The following CUX1 variants were observed in gnomAD, a reference collection of about 807,000 sequenced individuals.
The protein encoded by CUX1 is protein CASP.
A neutral mutation model predicts 158.8 loss-of-function variants in CUX1; 31 were observed. The observed-to-expected ratio is 0.20, with a 90% CI of 0.15 to 0.26. The LOEUF is 0.26. Among genes scored for constraint, CUX1 ranks in the 10% least tolerant of loss-of-function variants. The pLI is 1.00. For synonymous variants in CUX1, 879 were observed against 862.1 expected, an observed-to-expected ratio of 1.02 and a Z score of -0.34; for missense variants, 1,589 against 2,014.6, an observed-to-expected ratio of 0.79 and a Z score of 4.04.
At chr7:102,245,644 C>T (rs183391725) in intron 23 of CUX1, among the ~76,000 whole-genome samples, 2 of 152,258 alleles carry the variant, frequency 1.3e-5, no homozygotes, top group East Asian at 3.9e-4. Flanking sequence ...AAGGAAGATA[C>T]CATTCTCCAC....
chr7:102,191,762 T>G (rs1358813964), intron 12 of CUX1, among the ~76,000 whole-genome samples: 2 of 151,686 alleles, frequency 1.3e-5, no homozygotes, highest in African/African-American at 4.8e-5. Flanking sequence ...CCTCTTCTTC[T>G]TTCTTCCTCT....
At chr7:101,845,694 A>G (rs1795616869) in intron 1 of CUX1, among the ~76,000 whole-genome samples, 1 of 152,210 alleles carries the variant, frequency 6.6e-6, no homozygotes, top group African/African-American at 2.4e-5. Context: ...TGAACCAGCA[A>G]CAGTGGTATC....
At chr7:101,903,186 A>T (rs577433438) in intron 1 of CUX1, among the ~76,000 whole-genome samples, 4 of 152,128 alleles carry the variant, frequency 2.6e-5, no homozygotes, top group African/African-American at 9.7e-5. Context: ...AGACCTCAGT[A>T]GCCCCTCCCC....
intron 10 of CUX1, among the ~76,000 whole-genome samples, chr7:102,171,012 C>T (rs945922181): frequency 2.0e-5 from 3 of 152,210 alleles, no homozygotes; most frequent in Admixed American, 2.0e-4. Flanking sequence ...AAATAACATT[C>T]TGCACCGAGT....
intron 1 of CUX1, among the ~76,000 whole-genome samples, chr7:101,856,072 T>G (rs887076675): frequency 1.3e-5 from 2 of 149,568 alleles, no homozygotes; most frequent in African/African-American, 4.9e-5. Context: ...TCTCAGCTCC[T>G]TGGGGGCTGA....
intron 1 of CUX1, among the ~76,000 whole-genome samples, chr7:101,836,416 A>C (rs1190250705): frequency 6.6e-6 from 1 of 152,148 alleles, no homozygotes; most frequent in African/African-American, 2.4e-5. Context: ...CTCTACAAAA[A>C]AAATGGCTGT....
chr7:102,257,597 G>T lies in CUX1; in HGVS notation c.*8555G>T. The T allele has an allele frequency of 6.1e-6, 6 of 985,372 alleles. No homozygotes were observed. The highest frequency in any genetic ancestry group is 7.2e-6 in the Non-Finnish European group (6 of 829,930). 61.0% of individuals were successfully genotyped at this position (985,372 alleles called of 1,614,324 possible). ...TGCGTTTGTGCAATAACTCTTTGCT[G>T]CTTGCCTTGAGAGCGGGTAGCACCA... On this transcript the variant is annotated 3_prime_UTR_variant, in exon 24 of 24. Coordinates refer to ENST00000292535, the MANE Select transcript of CUX1 (RefSeq NM_181552.4).
At chr7:102,123,335 C>T (rs897556981) in intron 8 of CUX1, among the ~76,000 whole-genome samples, 14 of 151,748 alleles carry the variant, frequency 9.2e-5, no homozygotes, top group Non-Finnish European at 1.8e-4. Context: ...ATCGGCCGGG[C>T]GCAGTGGCTC....
chr7:102,036,607 T>G (rs902033836), intron 3 of CUX1, among the ~76,000 whole-genome samples: 2 of 151,922 alleles, frequency 1.3e-5, no homozygotes, highest in African/African-American at 4.8e-5. Context: ...CCTGGTGTGG[T>G]CACGTGCTCC....
At chr7:102,063,515 A>G (rs1459572259) in intron 3 of CUX1, among the ~76,000 whole-genome samples, 1 of 150,476 alleles carries the variant, frequency 6.6e-6, no homozygotes, top group African/African-American at 2.4e-5. Context: ...CAGCCTCCCA[A>G]GTAGCTGGAA....
At chr7:102,149,727 G>C (rs1425510558) in intron 8 of CUX1, among the ~76,000 whole-genome samples, 1 of 152,126 alleles carries the variant, frequency 6.6e-6, no homozygotes, top group Non-Finnish European at 1.5e-5. Flanking sequence ...TTTGTGCTCC[G>C]ATCAGCTTTT....
chr7:101,857,136 C>G (rs1796937708), intron 1 of CUX1, among the ~76,000 whole-genome samples: 1 of 152,214 alleles, frequency 6.6e-6, no homozygotes, highest in African/African-American at 2.4e-5. Flanking sequence ...ATGTTCCTGC[C>G]CTTACCCCGC....
At chr7:102,265,246 C>A (rs1263525808) in intron 14 of CUX1, among the ~76,000 whole-genome samples, 1 of 151,568 alleles carries the variant, frequency 6.6e-6, no homozygotes, top group African/African-American at 2.4e-5. Context: ...ATCCCAGCTA[C>A]TTGGGAGGCT....
intron 9 of CUX1, among the ~76,000 whole-genome samples, chr7:102,161,606 AATTT>A (rs1554507175): frequency 6.6e-6 from 1 of 152,040 alleles, no homozygotes; most frequent in African/African-American, 2.4e-5. Context: ...CCATTTTTTA[AATTT>A]ATTTATTTTT....
rs1462681713 is a variant in CUX1, at chr7:101,957,886, G to A, written c.141+41661G>A. On this transcript the variant is annotated intron_variant, in intron 2 of 23. Transcript: ENST00000292535. Reference sequence around the variant, plus strand: ...CTTTAAACGGAAACAGTGGTTAAGTGTGAGAGTTTGGAAGTCCCACAGATC... The same window carrying A: ...CTTTAAACGGAAACAGTGGTTAAGTATGAGAGTTTGGAAGTCCCACAGATC... Among the ~76,000 whole-genome samples, 6 of 152,158 alleles carry A rather than the reference G, an allele frequency of 3.9e-5. No individual in the cohort carries two copies. The East Asian group carries it at 9.6e-4, about 24-fold the overall frequency.
At chr7:102,134,445 C>T (rs1479571282) in intron 8 of CUX1, among the ~76,000 whole-genome samples, 4 of 152,202 alleles carry the variant, frequency 2.6e-5, no homozygotes, top group African/African-American at 9.6e-5. Flanking sequence ...TGTGGACTTA[C>T]GTCTTTAAAA....
At chr7:102,016,672 A>G (rs563207800) in intron 2 of CUX1, among the ~76,000 whole-genome samples, 4 of 152,204 alleles carry the variant, frequency 2.6e-5, no homozygotes, top group African/African-American at 4.8e-5. Context: ...GAATTCTCTC[A>G]TAAGTACTCC....
At chr7:102,247,264 C>T (rs1425858691) in intron 23 of CUX1, among the ~76,000 whole-genome samples, 1 of 151,978 alleles carries the variant, frequency 6.6e-6, no homozygotes, top group East Asian at 1.9e-4. Context: ...TTCCACCCTA[C>T]CCTGGACCAC....
chr7:101,889,310 G>A (rs540045571), intron 1 of CUX1, among the ~76,000 whole-genome samples: 6 of 149,940 alleles, frequency 4.0e-5, no homozygotes, highest in African/African-American at 1.5e-4. Context: ...GAGGGTCTTT[G>A]GATAGTTTGT....
Sources: gnomAD v4.1 joint callset for allele counts (sites outside exome capture counted in the v4.1 genomes callset) on GRCh38, gnomAD v4.1.1 for gene constraint, MANE v1.5 for transcripts, NCBI Gene and HGNC (gene_info 2026-07-23, HGNC 2026-07-21) for gene names.